Variants in TTYH3 observed in about 807,000 individuals in gnomAD.
TTYH3 encodes the protein tweety family member 3, also known as protein tweety homolog 3.
A neutral mutation model predicts 68.2 loss-of-function variants in TTYH3; 23 were observed. That is an observed-to-expected ratio of 0.34 (90% confidence interval 0.24 to 0.48). TTYH3 has a LOEUF of 0.48. Among genes scored for constraint, TTYH3 ranks in the 20% least tolerant of loss-of-function variants. The probability of loss-of-function intolerance (pLI) is 0.99; values close to 1 mark genes in which losing one functional copy is unlikely to be tolerated. For synonymous variants in TTYH3, 360 were observed against 332.8 expected (o/e 1.08, Z -0.89); for missense variants, 768 against 727.7 (o/e 1.06, Z -0.64).
At chr7:2,643,975 G>C (rs1785918543) in intron 1 of TTYH3, among the ~76,000 whole-genome samples, 2 of 152,180 alleles carry the variant, frequency 1.3e-5, no homozygotes. Flanking sequence ...CACAGGGTCG[G>C]GGGAGCGAGG....
At chr7:2,660,584 C>G in intron 13 of TTYH3, 1 of 977,504 alleles carries the variant, frequency 1.0e-6, no homozygotes, top group Non-Finnish European at 1.2e-6. Flanking sequence ...CCATCCCCTC[C>G]CCTTGTGCTG....
chr7:2,636,336 A>G (rs895977555), intron 1 of TTYH3, among the ~76,000 whole-genome samples: 1 of 152,232 alleles, frequency 6.6e-6, no homozygotes, highest in African/African-American at 2.4e-5. Context: ...TTCATGGAAC[A>G]TTTGGGGAAA....
intron 1 of TTYH3, among the ~76,000 whole-genome samples, chr7:2,642,274 A>T (rs1004162795): frequency 6.6e-6 from 1 of 152,014 alleles, no homozygotes; most frequent in Non-Finnish European, 1.5e-5. Flanking sequence ...AAGCACAGTG[A>T]CTCATGCCTG....
chr7:2,645,083 TG>T lies in TTYH3; in HGVS notation c.124-1768del, dbSNP rs1463953785. Among the ~76,000 whole-genome samples the T allele has an allele frequency of 2.6e-5, 4 of 151,684 alleles. No homozygotes were observed. Among genetic ancestry groups the T allele is most frequent in the Admixed American group, 2.0e-4 (3 of 15,244 alleles). ...ATGAGGGCAGCGCAGGTGTGCCTGGTGGCCACCCCACAACACTGAGGGCCCC... is the reference window on the plus strand; with the variant it reads ...ATGAGGGCAGCGCAGGTGTGCCTGGTGCCACCCCACAACACTGAGGGCCCC... On this transcript the variant is annotated intron_variant, in intron 1 of 13. Transcript: ENST00000258796. This position sits in a 1 kb window ranked among gnomAD's most constrained non-coding sequence, Gnocchi z 4.8.
Position 2,632,071 on chromosome 7 carries a change from T to A in TTYH3, c.-85T>A, listed in dbSNP as rs1003247035. 6.7e-5 allele frequency: 79 copies of A among 1,183,438 alleles called. No individual in the cohort carries two copies. The highest frequency in any genetic ancestry group is 2.7e-4 in the Admixed American group (6 of 22,374). The allele number at this position is 1,183,438 out of a possible 1,614,324, so 73.3% of individuals were successfully genotyped here. ...GATGATGCGGGCGGCCAGGCGGGGG[T>A]CGACGGGTCCCTGAAGCCCGCGCCC... On this transcript the variant is annotated 5_prime_UTR_variant, in exon 1 of 14. Transcript: ENST00000258796.
intron 11 of TTYH3, 88 bp from the exon 12 acceptor site, chr7:2,658,196 GTC>G: frequency 7.6e-7 from 1 of 1,313,592 alleles, no homozygotes; most frequent in Non-Finnish European, 1.0e-6. Context: ...AACCAGGAGT[GTC>G]TGTCTGCACC....
chr7:2,652,145 G>T, intron 7 of TTYH3, 42 bp from the exon 8 acceptor site: 3 of 1,591,218 alleles, frequency 1.9e-6, no homozygotes, highest in Non-Finnish European at 2.6e-6. Flanking sequence ...GTCTCACAGG[G>T]ACAGCTGTTG....
At position 2,659,923 on chromosome 7, in the gene TTYH3, A is replaced by T. The variant is rs1353209106; in HGVS notation, c.1500+908A>T. ...TCTCTCTCTCTCTTGCACCCCACCC[A>T]CCCCGGGCCCTCCTAGCGCTATCTG... On this transcript the variant is annotated intron_variant, in intron 13 of 13. Coordinates refer to ENST00000258796, the MANE Select transcript of TTYH3 (RefSeq NM_025250.3). 2.4e-6 allele frequency: 3 copies of T among 1,227,438 alleles called. No homozygotes were observed. The Admixed American group carries it at 7.2e-5, about 29-fold the overall frequency. 76.0% of individuals were successfully genotyped at this position (1,227,438 alleles called of 1,614,324 possible).
rs375913256 is a variant in TTYH3 at position 2,647,054 on chromosome 7, G to A, written c.293+32G>A. The A allele has an allele frequency of 2.5e-4, 384 of 1,532,358 alleles. 2 individuals are homozygous for A. In the African/African-American group the frequency reaches 4.7e-3, roughly 19 times the overall value. 94.9% of individuals were successfully genotyped at this position (1,532,358 alleles called of 1,614,324 possible). A position where few individuals can be genotyped will look rare whatever the true frequency, so the allele number is the denominator to read the frequency against. Reference sequence around the variant, plus strand: ...GCGGTGGGGCGGGGACGGAGGGCGGGGCCAGAGGGGGCGGCCCGAGGGGGC... The same window carrying A: ...GCGGTGGGGCGGGGACGGAGGGCGGAGCCAGAGGGGGCGGCCCGAGGGGGC... On this transcript the variant is annotated intron_variant, in intron 2 of 13. Transcript: ENST00000258796.
At chr7:2,659,994 A>G (rs1359814775) in intron 13 of TTYH3, 1 of 1,303,042 alleles carries the variant, frequency 7.7e-7, no homozygotes, top group Non-Finnish European at 1.0e-6. Context: ...GTTTAAGCCC[A>G]TGGACAGTGC....
chr7:2,646,513 G>A (rs1238894755), intron 1 of TTYH3, among the ~76,000 whole-genome samples: 4 of 152,210 alleles, frequency 2.6e-5, no homozygotes, highest in Non-Finnish European at 5.9e-5. Context: ...TGGACTCTGG[G>A]GACCCGGTGG....
Position 2,650,317 on chromosome 7 carries a change from C to T in TTYH3, c.871+329C>T, listed in dbSNP as rs534449863. On this transcript the variant is annotated intron_variant, in intron 7 of 13. Transcript: ENST00000258796. The stretch of plus-strand genomic sequence containing the variant: ...AGAGGTCTGGGTGCAGTGGCTCACA[C>T]CTGTAATCCTAGCACTTTGGGAGGC... Among the ~76,000 whole-genome samples the T allele has an allele frequency of 4.1e-4, 63 of 152,320 alleles. 1 individual carries two copies. The South Asian group carries it at 0.013, about 31-fold the overall frequency.
At position 2,645,920 on chromosome 7, in the gene TTYH3, C is replaced by A; in HGVS notation, c.124-933C>A. The A allele has an allele frequency of 2.2e-6, 1 of 463,580 alleles. No homozygotes were observed. The highest frequency in any genetic ancestry group is 4.5e-6 in the Non-Finnish European group (1 of 222,756). The allele number at this position is 463,580 out of a possible 1,614,324, so 28.7% of individuals were successfully genotyped here. A position where few individuals can be genotyped will look rare whatever the true frequency, so the allele number is the denominator to read the frequency against. On this transcript the variant is annotated intron_variant, in intron 1 of 13. Transcript: ENST00000258796. This position sits in a 1 kb window ranked among gnomAD's most constrained non-coding sequence, Gnocchi z 4.8. ...GTTCTGGGCCTGAGACGGGGACGGG[C>A]TCTGGGGTCCTGGGGCTGTCTCGGG... is the stretch of plus-strand genomic sequence containing the variant.
Position 2,652,933 on chromosome 7 carries a change from C to T in TTYH3, c.943C>T (p.His315Tyr). The change falls in exon 9 of 14, where the codon CAC becomes TAC. Residue 315 changes from histidine to tyrosine, a missense_variant. His to Tyr is a moderately conservative substitution (Grantham distance 83, BLOSUM62 2). Transcript: ENST00000258796. ...TCTGGAGCAGAAGCTGTCGGGCAGC[C>T]ACAAGGCACTGGTGGAGATGCAGGA... ...NPFQQKLSGS[H>Y]KALVEMQDVV... The T allele has an allele frequency of 6.4e-7, 1 of 1,571,850 alleles. No homozygotes were observed. The highest frequency in any genetic ancestry group is 8.6e-7 in the Non-Finnish European group (1 of 1,158,442).
intron 1 of TTYH3, among the ~76,000 whole-genome samples, chr7:2,635,708 G>A (rs192523754): frequency 1.3e-4 from 20 of 152,352 alleles, no homozygotes; most frequent in Admixed American, 9.1e-4. Context: ...GGCCCTGGCA[G>A]GTGATGGTTT....
rs1785534285 is a variant in TTYH3 at position 2,632,067 on chromosome 7, G to A, written c.-89G>A. 4 of 1,165,466 alleles carry A rather than the reference G, an allele frequency of 3.4e-6. No homozygotes were observed. The highest frequency in any genetic ancestry group is 4.5e-5 in the Admixed American group (1 of 22,348). The allele number at this position is 1,165,466 out of a possible 1,614,324, so 72.2% of individuals were successfully genotyped here. Reference sequence around the variant, plus strand: ...CGCGGATGATGCGGGCGGCCAGGCGGGGGTCGACGGGTCCCTGAAGCCCGC... The same window carrying A: ...CGCGGATGATGCGGGCGGCCAGGCGAGGGTCGACGGGTCCCTGAAGCCCGC... On this transcript the variant is annotated 5_prime_UTR_variant, in exon 1 of 14. Transcript: ENST00000258796.
chr7:2,647,235 G>A lies in TTYH3; in HGVS notation c.387G>A (p.Val129=). The A allele has an allele frequency of 6.3e-7, 1 of 1,594,744 alleles. No homozygotes were observed. Residue 129 remains valine (V), a synonymous_variant, in exon 3 of 14, where the codon GTG becomes GTA. Transcript: ENST00000258796. ...CGCTCCGCCACGCCAACCGCACGGT[G>A]GCCGGGGTCCAGGACCGCGTGAGTG... ...TYSLRHANRT[V]AGVQDRVWDT... is the part of the protein sequence containing the mutation.
chr7:2,647,005 C>T lies in TTYH3; in HGVS notation c.276C>T (p.Ile92=). 2 of 1,577,974 alleles carry T rather than the reference C, an allele frequency of 1.3e-6. No homozygotes were observed. Among genetic ancestry groups the T allele is most frequent in the East Asian group, 2.3e-5 (1 of 43,724 alleles). The part of the protein sequence containing the change: ...DCCCTAWCVI[I]ATLVCSAGIA... ...GCTGCACGGCCTGGTGTGTCATCAT[C>T]GCCACGCTGGTGTGCAGGTGAGCGC... The change falls in exon 2 of 14, where the codon ATC becomes ATT. Residue 92 remains isoleucine (I), a synonymous_variant. Coordinates refer to ENST00000258796, the MANE Select transcript of TTYH3 (RefSeq NM_025250.3).
At chr7:2,653,787 T>C (rs1003008127) in intron 9 of TTYH3, among the ~76,000 whole-genome samples, 34 of 152,070 alleles carry the variant, frequency 2.2e-4, no homozygotes, top group African/African-American at 8.2e-4. Context: ...CACTTGAACC[T>C]GGGAGGCAGA....
Sources: gnomAD v4.1 joint callset for allele counts (sites outside exome capture counted in the v4.1 genomes callset) on GRCh38, gnomAD v4.1.1 for gene constraint, Gnocchi (gnomAD v3.1) non-coding constraint, MANE v1.5 for transcripts, NCBI Gene and HGNC (gene_info 2026-07-23, HGNC 2026-07-21) for gene names.